Variants in TARP observed in about 807,000 individuals in gnomAD.
At chr7:38,262,798 G>A in the TARP span, among the ~76,000 whole-genome samples, 1 of 151,068 alleles carries the variant, frequency 6.6e-6, no homozygotes, top group Non-Finnish European at 1.5e-5. Flanking sequence ...GGGAGTACAG[G>A]CACATGTCAG....
At chr7:38,273,253 T>C in the TARP span, among the ~76,000 whole-genome samples, 1 of 151,224 alleles carries the variant, frequency 6.6e-6, no homozygotes, top group Admixed American at 6.6e-5. Context: ...TTACTTTTTT[T>C]TTTTTTAATT....
At chr7:38,272,511 C>A in the TARP span, among the ~76,000 whole-genome samples, 2 of 137,586 alleles carry the variant, frequency 1.5e-5, no homozygotes, top group South Asian at 2.6e-4. Context: ...AGTATGATTC[C>A]AACTTTGTAA....
chr7:38,261,429 A>G, the TARP span, among the ~76,000 whole-genome samples: 4 of 151,462 alleles, frequency 2.6e-5, no homozygotes, highest in East Asian at 1.9e-4. Context: ...GGGTTAAACA[A>G]GAAAATGCAG....
the TARP span, among the ~76,000 whole-genome samples, chr7:38,262,891 T>G: frequency 6.6e-6 from 1 of 151,596 alleles, no homozygotes. Context: ...ACTCCTGGAC[T>G]CAAGCAATCT....
chr7:38,265,441 T>A, the TARP span: 23 of 1,611,512 alleles, frequency 1.4e-5, no homozygotes, highest in African/African-American at 2.7e-5. Context: ...GTCCAGTGAC[T>A]TTTCTGGCAC....
chr7:38,262,691 G>A, the TARP span, among the ~76,000 whole-genome samples: 1 of 151,442 alleles, frequency 6.6e-6, no homozygotes, highest in Non-Finnish European at 1.5e-5. Context: ...CTGTCACCCA[G>A]GCTGGAGTGG....
the TARP span, among the ~76,000 whole-genome samples, chr7:38,262,472 C>G: frequency 3.3e-5 from 5 of 151,178 alleles, no homozygotes; most frequent in Admixed American, 1.3e-4. Context: ...GTGTAGTATC[C>G]AAGAGCATTT....
the TARP span, among the ~76,000 whole-genome samples, chr7:38,267,684 C>G: frequency 1.3e-5 from 2 of 150,554 alleles, no homozygotes. Flanking sequence ...ACTTGTGAGA[C>G]AGTGTATATT....
the TARP span, chr7:38,265,590 G>C: frequency 1.9e-6 from 3 of 1,612,046 alleles, no homozygotes; most frequent in Non-Finnish European, 2.5e-6. Context: ...GAAGACAAAG[G>C]TATGTTCCAG....
chr7:38,260,573 G>C, the TARP span, among the ~76,000 whole-genome samples: 1 of 151,102 alleles, frequency 6.6e-6, no homozygotes, highest in Admixed American at 6.6e-5. Flanking sequence ...TCTAATTATG[G>C]CTATGCTATT....
chr7:38,264,589 CAA>C, the TARP span, among the ~76,000 whole-genome samples: 8 of 126,330 alleles, frequency 6.3e-5, no homozygotes, highest in East Asian at 2.2e-4. Context: ...GAAACTCTGT[CAA>C]AAAAAAAAAA....
chr7:38,263,519 T>C, the TARP span, among the ~76,000 whole-genome samples: 62,886 of 146,774 alleles, frequency 0.43, 13,991 homozygotes, highest in African/African-American at 0.6. Flanking sequence ...AGCAAATGGT[T>C]GTTTTTATTA....
At chr7:38,273,118 G>A in the TARP span, among the ~76,000 whole-genome samples, 6 of 149,960 alleles carry the variant, frequency 4.0e-5, no homozygotes, top group Non-Finnish European at 5.9e-5. Flanking sequence ...AACAATAAAT[G>A]CAGCTTATGT....
the TARP span, chr7:38,262,272 AAATG>A: frequency 7.4e-7 from 1 of 1,347,120 alleles, no homozygotes; most frequent in Non-Finnish European, 1.1e-6. Context: ...GTGTGTAATT[AAATG>A]AATATTTATA....
chr7:38,262,285 TA>T, the TARP span: 1 of 1,249,594 alleles, frequency 8.0e-7, no homozygotes, highest in East Asian at 2.3e-5. Flanking sequence ...TGAATATTTA[TA>T]AAACCTGTCG....
the TARP span, among the ~76,000 whole-genome samples, chr7:38,268,691 T>A: frequency 6.6e-6 from 1 of 151,728 alleles, no homozygotes; most frequent in Non-Finnish European, 1.5e-5. Context: ...CTTAATACAA[T>A]GTTTTTGCCA....
chr7:38,272,209 C>T, the TARP span, among the ~76,000 whole-genome samples: 1 of 150,594 alleles, frequency 6.6e-6, no homozygotes, highest in Middle Eastern at 3.2e-3. Flanking sequence ...ATCTGTATTC[C>T]TGAGTGTATA....
chr7:38,268,487 A>C, the TARP span, among the ~76,000 whole-genome samples: 2 of 151,498 alleles, frequency 1.3e-5, no homozygotes, highest in Non-Finnish European at 2.9e-5. Context: ...TGATGTTTCC[A>C]ACTGGATTTA....
chr7:38,266,970 C>T, the TARP span, among the ~76,000 whole-genome samples: 1 of 151,564 alleles, frequency 6.6e-6, no homozygotes, highest in Non-Finnish European at 1.5e-5. Flanking sequence ...AAATATTCAC[C>T]AAAAGCACAT....
Sources: gnomAD v4.1 joint callset for allele counts (sites outside exome capture counted in the v4.1 genomes callset) on GRCh38, gnomAD v4.1.1 for gene constraint, MANE v1.5 for transcripts.